CD96: variants seen among roughly 807,000 people sequenced by gnomAD.
CD96 encodes T-cell surface protein tactile.
A neutral mutation model predicts 71.3 loss-of-function variants in CD96; 70 were observed. The ratio of observed to expected loss-of-function variants is 0.98; its 90% CI spans 0.81 to 1.20. The LOEUF (loss-of-function observed/expected upper bound fraction) is 1.20. Among genes scored for constraint, CD96 ranks in the 50% most tolerant of loss-of-function variants. The pLI, the probability that CD96 is intolerant of heterozygous loss-of-function variation, is 0.00. For missense variants in CD96, 742 were observed against 677.5 expected (o/e 1.10, Z -1.06); for synonymous variants, 248 against 233.0 (o/e 1.06, Z -0.59).
chr3:111,556,732 G>A (rs1408109031), intron 2 of CD96, among the ~76,000 whole-genome samples: 8 of 149,198 alleles, frequency 5.4e-5, no homozygotes, highest in Non-Finnish European at 1.2e-4. Flanking sequence ...TAATGGGATG[G>A]CTGGCTCAAA....
At chr3:111,602,004 T>C (rs1937512826) in intron 7 of CD96, among the ~76,000 whole-genome samples, 1 of 152,228 alleles carries the variant, frequency 6.6e-6, no homozygotes, top group Non-Finnish European at 1.5e-5. Flanking sequence ...TCATCCTGTG[T>C]ACTTTGAGTT....
At chr3:111,646,897 G>A (rs547017886) in intron 12 of CD96, among the ~76,000 whole-genome samples, 4 of 152,050 alleles carry the variant, frequency 2.6e-5, no homozygotes, top group East Asian at 1.9e-4. Context: ...AAAAAGGAAT[G>A]AGATAATATT....
At chr3:111,609,124 TAAAC>T (rs1363871729) in intron 8 of CD96, among the ~76,000 whole-genome samples, 1 of 152,116 alleles carries the variant, frequency 6.6e-6, no homozygotes, top group Non-Finnish European at 1.5e-5. Context: ...AAGAACGTTC[TAAAC>T]AGAGAAAACA....
chr3:111,584,220 C>T (rs920521657), intron 4 of CD96, among the ~76,000 whole-genome samples: 1 of 152,184 alleles, frequency 6.6e-6, no homozygotes, highest in Non-Finnish European at 1.5e-5. Flanking sequence ...CACCTTTGCT[C>T]CAGTTCCCAA....
At chr3:111,590,543 C>T (rs542734083) in intron 5 of CD96, among the ~76,000 whole-genome samples, 41 of 152,330 alleles carry the variant, frequency 2.7e-4, no homozygotes, top group African/African-American at 9.9e-4. Context: ...GACCCAAAAG[C>T]ATGATGCCCC....
chr3:111,614,751 C>A (rs950127387), intron 8 of CD96, among the ~76,000 whole-genome samples: 6 of 152,194 alleles, frequency 3.9e-5, no homozygotes, highest in South Asian at 2.1e-4. Flanking sequence ...ACTAACCAAC[C>A]ATGGACTCCT....
intron 14 of CD96, among the ~76,000 whole-genome samples, chr3:111,664,112 AAAG>A (rs1940424344): frequency 6.6e-6 from 1 of 152,188 alleles, no homozygotes; most frequent in South Asian, 2.1e-4. Flanking sequence ...CATATTTCTC[AAAG>A]AACTTAAAAT....
chr3:111,561,209 C>G (rs1272271546), intron 2 of CD96, among the ~76,000 whole-genome samples: 1 of 146,292 alleles, frequency 6.8e-6, no homozygotes, highest in African/African-American at 2.5e-5. Flanking sequence ...TCTCTCAGCT[C>G]GTCAAAGTCA....
intron 12 of CD96, among the ~76,000 whole-genome samples, chr3:111,645,306 T>C (rs1269303822): frequency 1.3e-5 from 2 of 152,000 alleles, no homozygotes; most frequent in African/African-American, 4.8e-5. Flanking sequence ...CACTGATATG[T>C]GGGAAGCTAA....
chr3:111,637,093 A>G (rs559684681), intron 10 of CD96, 103 bp from the exon 11 acceptor site: 1 of 726,708 alleles, frequency 1.4e-6, no homozygotes, highest in Admixed American at 2.0e-5. Context: ...TGCTTTATGT[A>G]CTCATTAATA....
intron 1 of CD96, among the ~76,000 whole-genome samples, chr3:111,544,540 G>T (rs1192161740): frequency 3.9e-5 from 6 of 152,158 alleles, no homozygotes. Flanking sequence ...GTGTGAGGGG[G>T]ATTAAACAAG....
At chr3:111,594,925 T>C (rs1937183292) in intron 5 of CD96, 1 of 166,996 alleles carries the variant, frequency 6.0e-6, no homozygotes, top group Non-Finnish European at 1.5e-5. Context: ...GTCTAAGAAA[T>C]CCAAAAAGCA....
chr3:111,629,185 G>A (rs1434416659), intron 10 of CD96, among the ~76,000 whole-genome samples: 1 of 152,088 alleles, frequency 6.6e-6, no homozygotes, highest in African/African-American at 2.4e-5. Context: ...AATGTAAATG[G>A]GCTAAATGCC....
intron 2 of CD96, among the ~76,000 whole-genome samples, chr3:111,553,812 G>A (rs968568456): frequency 6.6e-6 from 1 of 151,794 alleles, no homozygotes; most frequent in African/African-American, 2.4e-5. Flanking sequence ...ACATACTGAT[G>A]AATTTCAATT....
chr3:111,552,625 T>C (rs557435685), intron 2 of CD96, among the ~76,000 whole-genome samples: 1 of 147,006 alleles, frequency 6.8e-6, no homozygotes. Context: ...ACAGAGAATA[T>C]GTAAATGAAT....
chr3:111,590,547 A>T (rs1936928736), intron 5 of CD96, among the ~76,000 whole-genome samples: 1 of 152,226 alleles, frequency 6.6e-6, no homozygotes, highest in Non-Finnish European at 1.5e-5. Context: ...CAAAAGCATG[A>T]TGCCCCTCAG....
chr3:111,545,416 G>A lies in CD96; in HGVS notation c.418+14G>A. 7.0e-7 allele frequency: 1 copy of A among 1,431,112 alleles called. No homozygotes were observed. Among genetic ancestry groups the A allele is most frequent in the Non-Finnish European group, 9.9e-7 (1 of 1,013,460 alleles). 88.7% of individuals were successfully genotyped at this position (1,431,112 alleles called of 1,614,324 possible). A position where few individuals can be genotyped will look rare whatever the true frequency, so the allele number is the denominator to read the frequency against. On this transcript the variant is annotated intron_variant, in intron 2 of 13. Coordinates refer to ENST00000352690, the MANE Select transcript of CD96 (RefSeq NM_005816.5). ...TTCAGACACACGGTAAGCATAACTG[G>A]TAGAGGGATGTGCTTTCATTCAGCT...
chr3:111,645,480 C>T (rs1170061181), intron 12 of CD96, among the ~76,000 whole-genome samples: 2 of 152,030 alleles, frequency 1.3e-5, no homozygotes, highest in Non-Finnish European at 2.9e-5. Context: ...AGAACTTACT[C>T]ATATAATCAA....
chr3:111,588,944 C>CTTTTTTTT (rs796254545), intron 5 of CD96, among the ~76,000 whole-genome samples: 1 of 142,920 alleles, frequency 7.0e-6, no homozygotes. Flanking sequence ...GTTTTTGTTT[C>CTTTTTTTT]TTTTTTTTTC....
Sources: allele counts gnomAD v4.1 joint callset (sites outside exome capture counted in the v4.1 genomes callset), GRCh38; gene constraint gnomAD v4.1.1; transcripts MANE v1.5; gene names NCBI Gene and HGNC (gene_info 2026-07-23, HGNC 2026-07-21).